Variants in PPP1R15B observed in about 807,000 individuals in gnomAD.
PPP1R15B encodes the protein protein phosphatase 1, regulatory (inhibitor) subunit 15B.
Under a neutral mutation model 53.9 loss-of-function variants are expected in PPP1R15B, and 31 were observed. That is an observed-to-expected ratio of 0.58 (90% CI 0.43 to 0.78). PPP1R15B has a LOEUF of 0.78. Ranked by LOEUF, PPP1R15B falls within the 30% of genes least tolerant of loss-of-function variation. The pLI, the probability that PPP1R15B is intolerant of heterozygous loss-of-function variation, is 0.00. For missense variants in PPP1R15B, 928 were observed against 849.6 expected (o/e 1.09, Z -1.15); for synonymous variants, 345 against 329.1 (o/e 1.05, Z -0.52).
At chr1:204,409,400 T>G in intron 1 of PPP1R15B, 92 bp downstream of exon 1, 1 of 1,398,948 alleles carries the variant, frequency 7.1e-7, no homozygotes, top group South Asian at 1.4e-5. Context: ...CAAAAATACA[T>G]GCACTCCTAA....
chr1:204,396,616 G>C (rs922138347), downstream of PPP1R15B, among the ~76,000 whole-genome samples: 1 of 151,898 alleles, frequency 6.6e-6, no homozygotes, highest in Non-Finnish European at 1.5e-5. Context: ...GGTTGGGAAG[G>C]GGACCGAATA....
At chr1:204,403,045 C>T (rs533741999), downstream of PPP1R15B, among the ~76,000 whole-genome samples, 1 of 152,150 alleles carries the variant, frequency 6.6e-6, no homozygotes, top group East Asian at 1.9e-4. Flanking sequence ...TCAATGCAGC[C>T]TGGGTGACAG....
At chr1:204,402,355 AC>A (rs1674191724), downstream of PPP1R15B, among the ~76,000 whole-genome samples, 3 of 152,270 alleles carry the variant, frequency 2.0e-5, no homozygotes, top group South Asian at 6.2e-4. Context: ...TTTTCTGATA[AC>A]ATTTATTCTT....
rs1674363157 is a variant in PPP1R15B, at chr1:204,411,001, G to A, written c.411C>T (p.Thr137=). 1 of 1,614,038 alleles carries A rather than the reference G, an allele frequency of 6.2e-7. No individual in the cohort carries two copies. The highest frequency in any genetic ancestry group is 1.3e-5 in the African/African-American group (1 of 74,924). The stretch of plus-strand genomic sequence containing the variant: ...CCTCCTCTAGCCAATCAAGGGGACT[G>A]GTGACCGAGGGGTCTGAGGAGTCGA... ...LQLDSSDPSV[T]SPLDWLEEGI... is the part of the protein sequence containing the mutation. The change falls in exon 1 of 2, where the codon ACC becomes ACT. Residue 137 remains threonine (T), a synonymous_variant. Transcript: ENST00000367188.
At chr1:204,408,354 C>A (rs1205673620) in intron 1 of PPP1R15B, among the ~76,000 whole-genome samples, 1 of 152,208 alleles carries the variant, frequency 6.6e-6, no homozygotes, top group African/African-American at 2.4e-5. Context: ...ATGGCATTTA[C>A]AAAGTGTGAA....
rs781130805 is a variant in PPP1R15B at position 204,403,757 on chromosome 1, C to A, written c.*2335G>T. Reference sequence around the variant, plus strand: ...TCTCTTTAAGATTACGGGGGTTTAACTTTGTTCTAACTAGAATTGGGATGA... The same window carrying A: ...TCTCTTTAAGATTACGGGGGTTTAAATTTGTTCTAACTAGAATTGGGATGA... On this transcript the variant is annotated 3_prime_UTR_variant, in exon 2 of 2. Coordinates refer to ENST00000367188, the MANE Select transcript of PPP1R15B (RefSeq NM_032833.5). The A allele has an allele frequency of 5.2e-5, 51 of 985,482 alleles. No homozygotes were observed. The highest frequency in any genetic ancestry group is 1.0e-3 in the Middle Eastern group (2 of 1,936). The allele number at this position is 985,482 out of a possible 1,614,324, so 61.0% of individuals were successfully genotyped here. A position where few individuals can be genotyped will look rare whatever the true frequency, so the allele number is the denominator to read the frequency against.
chr1:204,408,205 C>A (rs755008109), intron 1 of PPP1R15B, among the ~76,000 whole-genome samples: 1 of 152,240 alleles, frequency 6.6e-6, no homozygotes, highest in Non-Finnish European at 1.5e-5. Context: ...CCTTCCAAAT[C>A]TCTGCGCCTT....
At chr1:204,400,047 A>G (rs1171787852), downstream of PPP1R15B, among the ~76,000 whole-genome samples, 1 of 152,062 alleles carries the variant, frequency 6.6e-6, no homozygotes, top group Non-Finnish European at 1.5e-5. Context: ...GTAGTTTGAG[A>G]CCAGCCCGGG....
chr1:204,409,306 C>T (rs1372112691), intron 1 of PPP1R15B, among the ~76,000 whole-genome samples, 186 bp downstream of exon 1: 1 of 152,034 alleles, frequency 6.6e-6, no homozygotes. Flanking sequence ...CAACAATGTG[C>T]ATTGGGGTGG....
rs1468069516 is a variant in PPP1R15B at position 204,405,498 on chromosome 1, ATATT to A, written c.*590_*593del. 4 of 983,782 alleles carry A rather than the reference ATATT, an allele frequency of 4.1e-6. No homozygotes were observed. The highest frequency in any genetic ancestry group is 3.6e-6 in the Non-Finnish European group (3 of 828,590). 60.9% of individuals were successfully genotyped at this position (983,782 alleles called of 1,614,324 possible). Reference sequence around the variant, plus strand: ...AATGTAGAAATAAAAAGGCTACCACATATTTTCAATCCAAGTCATTTTTACAAGA... The same window carrying A: ...AATGTAGAAATAAAAAGGCTACCACATTCAATCCAAGTCATTTTTACAAGA... On this transcript the variant is annotated 3_prime_UTR_variant, in exon 2 of 2. Transcript: ENST00000367188.
At chr1:204,400,404 G>T (rs1240847455), downstream of PPP1R15B, among the ~76,000 whole-genome samples, 1 of 151,528 alleles carries the variant, frequency 6.6e-6, no homozygotes, top group Non-Finnish European at 1.5e-5. Context: ...GCAGTGCAGT[G>T]ATTCAATCAC....
At position 204,406,316 on chromosome 1, in the gene PPP1R15B, A is replaced by T; in HGVS notation, c.1921-3T>A. ...GTAACTTCTTCAAGGAAGGTTACCTACAAAAACAAAGACTAATTTTAATAA... is the reference window on the plus strand; with the variant it reads ...GTAACTTCTTCAAGGAAGGTTACCTTCAAAAACAAAGACTAATTTTAATAA... On this transcript the variant is annotated splice_polypyrimidine_tract_variant and splice_region_variant and intron_variant, in intron 1 of 1. Transcript: ENST00000367188. The T allele has an allele frequency of 1.2e-6, 2 of 1,613,612 alleles. No homozygotes were observed. The highest frequency in any genetic ancestry group is 1.7e-6 in the Non-Finnish European group (2 of 1,179,764).
rs775658745 is a variant in PPP1R15B, at chr1:204,410,764, G to T, written c.648C>A (p.Phe216Leu). Reference protein sequence around the residue: ...GPLNIQRIDNFSVVSYLLNPS... With the variant: ...GPLNIQRIDNLSVVSYLLNPS... Reference sequence around the variant, plus strand: ...GGTTCAGCAAATAGGATACCACACTGAAATTGTCTATGCGTTGAATGTTTA... The same window carrying T: ...GGTTCAGCAAATAGGATACCACACTTAAATTGTCTATGCGTTGAATGTTTA... Residue 216 changes from phenylalanine (F) to leucine (L), a missense_variant, in exon 1 of 2, where the codon TTC (phenylalanine) becomes TTA (leucine). Coordinates refer to ENST00000367188, the MANE Select transcript of PPP1R15B (RefSeq NM_032833.5). 83 of 1,614,134 alleles carry T rather than the reference G, an allele frequency of 5.1e-5. No homozygotes were observed. The highest frequency in any genetic ancestry group is 5.7e-5 in the Non-Finnish European group (67 of 1,180,054).
chr1:204,406,061 T>G lies in PPP1R15B; in HGVS notation c.*31A>C. 1 of 1,609,504 alleles carries G rather than the reference T, an allele frequency of 6.2e-7. No individual in the cohort carries two copies. The highest frequency in any genetic ancestry group is 8.5e-7 in the Non-Finnish European group (1 of 1,176,700). ...AAGACACCTCTCAGGTAAGAGGTAG[T>G]GTATGCTAGCTAGGACTACAGGCTG... On this transcript the variant is annotated 3_prime_UTR_variant, in exon 2 of 2. Transcript: ENST00000367188.
Position 204,403,838 on chromosome 1 carries a change from CCTT to C in PPP1R15B, c.*2251_*2253del, listed in dbSNP as rs1391149167. On this transcript the variant is annotated 3_prime_UTR_variant, in exon 2 of 2. Transcript: ENST00000367188. ...CCAACTTTAAAATAGTCCTTTCTGT[CCTT>C]CTTATCACCTTCTGATCACTTCTTC... The C allele has an allele frequency of 9.1e-6, 9 of 985,664 alleles. No homozygotes were observed. The South Asian group carries it at 1.4e-4, about 15-fold the overall frequency. The allele number at this position is 985,664 out of a possible 1,614,324, so 61.1% of individuals were successfully genotyped here.
chr1:204,406,050 G>T lies in PPP1R15B; in HGVS notation c.*42C>A, dbSNP rs756488617. On this transcript the variant is annotated 3_prime_UTR_variant, in exon 2 of 2. Transcript: ENST00000367188. The stretch of plus-strand genomic sequence containing the variant: ...TTTGTTTTTAAAAGACACCTCTCAG[G>T]TAAGAGGTAGTGTATGCTAGCTAGG... The T allele has an allele frequency of 6.3e-7, 1 of 1,598,162 alleles. No individual in the cohort carries two copies. Among genetic ancestry groups the T allele is most frequent in the Admixed American group, 1.7e-5 (1 of 58,938 alleles).
chr1:204,406,409 T>C, intron 1 of PPP1R15B, 96 bp from the exon 2 acceptor site: 1 of 1,425,910 alleles, frequency 7.0e-7, no homozygotes, highest in East Asian at 2.5e-5. Context: ...TTCAGAATAT[T>C]CCCAACTAAG....
downstream of PPP1R15B, among the ~76,000 whole-genome samples, chr1:204,398,186 A>G (rs377713126): frequency 1.3e-5 from 2 of 152,222 alleles, no homozygotes; most frequent in Admixed American, 6.5e-5. Flanking sequence ...GTGATAAAAA[A>G]GTATACAAGG....
chr1:204,409,471 G>C, intron 1 of PPP1R15B, 21 bp downstream of exon 1: 2 of 1,591,526 alleles, frequency 1.3e-6, no homozygotes, highest in Non-Finnish European at 1.7e-6. Context: ...TATCAGGCAT[G>C]TTAAAAGACA....
Sources: allele counts gnomAD v4.1 joint callset (sites outside exome capture counted in the v4.1 genomes callset), GRCh38; gene constraint gnomAD v4.1.1; transcripts MANE v1.5; gene names NCBI Gene and HGNC (gene_info 2026-07-23, HGNC 2026-07-21).